Variants in EIF3L observed in about 807,000 individuals in gnomAD.
The protein encoded by EIF3L is eukaryotic translation initiation factor 3 subunit L.
Under a neutral mutation model 74.6 loss-of-function variants are expected in EIF3L, and 32 were observed. The observed-to-expected ratio is 0.43, with a 90% CI of 0.32 to 0.58. EIF3L has a LOEUF of 0.58. Ranked by LOEUF, EIF3L falls within the 20% of genes least tolerant of loss-of-function variation. The pLI is 0.06. For synonymous variants in EIF3L, 256 were observed against 254.4 expected (o/e 1.01, Z -0.06); for missense variants, 474 against 707.8 (o/e 0.67, Z 3.75).
At chr22:37,870,570 A>G (rs1179266521) in intron 8 of EIF3L, among the ~76,000 whole-genome samples, 4 of 152,132 alleles carry the variant, frequency 2.6e-5, no homozygotes, top group African/African-American at 9.7e-5. Context: ...CAGCACATTG[A>G]GATTTGCGTT....
chr22:37,859,786 C>G (rs922803906), intron 5 of EIF3L, among the ~76,000 whole-genome samples: 3 of 151,980 alleles, frequency 2.0e-5, no homozygotes, highest in African/African-American at 7.2e-5. Context: ...GGCAGGTCAC[C>G]TGAGGTCAGG....
At position 37,877,959 on chromosome 22, in the gene EIF3L, G is replaced by A; in HGVS notation, c.1363G>A (p.Ala455Thr). 1 of 1,612,568 alleles carries A rather than the reference G, an allele frequency of 6.2e-7. No individual in the cohort carries two copies. The highest frequency in any genetic ancestry group is 8.5e-7 in the Non-Finnish European group (1 of 1,179,852). The change falls in exon 11 of 13, where the codon GCC (alanine) becomes ACC (threonine). Residue 455 changes from alanine (A) to threonine (T), a missense_variant. Around this residue, in one of 4 missense-constraint regions of EIF3L, gnomAD observed 293 missense variants for 469.1 expected, o/e 0.62. Coordinates refer to ENST00000652021, the MANE Select transcript of EIF3L (RefSeq NM_016091.4). ...GTTTTCTGATGAAGTACAGCAGCAG[G>A]CCCAGCTTTCAACCATCCGCAGCTT... is the stretch of plus-strand genomic sequence containing the variant. ...KVFSDEVQQQAQLSTIRSFLK... is the reference protein window; with the variant it reads ...KVFSDEVQQQTQLSTIRSFLK...
At chr22:37,873,909 T>G (rs1402879346) in intron 8 of EIF3L, among the ~76,000 whole-genome samples, 1 of 152,240 alleles carries the variant, frequency 6.6e-6, no homozygotes, top group Non-Finnish European at 1.5e-5. Context: ...AGCAATGCAG[T>G]GACTACTGGT....
rs778804648 is a variant in EIF3L, at chr22:37,862,941, A to G, written c.436-28A>G. 4.5e-6 allele frequency: 7 copies of G among 1,548,446 alleles called. No homozygotes were observed. The South Asian group carries it at 5.7e-5, about 13-fold the overall frequency. On this transcript the variant is annotated intron_variant, in intron 5 of 12. Coordinates refer to ENST00000652021, the MANE Select transcript of EIF3L (RefSeq NM_016091.4). ...AAACACATTAAAATTAAATATCTGT[A>G]TCTTGATATCTCTTGTTTTCTTTAC... is the stretch of plus-strand genomic sequence containing the variant.
At chr22:37,868,200 C>T (rs1457234945) in intron 7 of EIF3L, among the ~76,000 whole-genome samples, 2 of 146,636 alleles carry the variant, frequency 1.4e-5, no homozygotes, top group African/African-American at 2.5e-5. Flanking sequence ...CTGCAGTCTC[C>T]ACCTCCTGTG....
At chr22:37,886,894 G>C (rs1927348735) in intron 12 of EIF3L, 49 bp downstream of exon 12, 2 of 1,444,612 alleles carry the variant, frequency 1.4e-6, no homozygotes, top group Non-Finnish European at 1.9e-6. Flanking sequence ...ACAGAGCTTA[G>C]GAACTGAATC....
In EIF3L at chr22:37,857,464, A is replaced by G. The variant is rs564493383; in HGVS notation, c.374-1215A>G. Among the ~76,000 whole-genome samples, 3 of 150,036 alleles carry G rather than the reference A, an allele frequency of 2.0e-5. No homozygotes were observed. The Admixed American group carries it at 2.0e-4, about 10-fold the overall frequency. ...ATTTAGGTCTTTGGTTGCGTTCACCAGTGTTTTGTGTTTTCAGTGTACAAG... is the reference window on the plus strand; with the variant it reads ...ATTTAGGTCTTTGGTTGCGTTCACCGGTGTTTTGTGTTTTCAGTGTACAAG... On this transcript the variant is annotated intron_variant, in intron 4 of 12. Coordinates refer to ENST00000652021, the MANE Select transcript of EIF3L (RefSeq NM_016091.4).
chr22:37,865,378 C>G (rs981213162), intron 7 of EIF3L, among the ~76,000 whole-genome samples: 1 of 151,530 alleles, frequency 6.6e-6, no homozygotes, highest in African/African-American at 2.4e-5. Flanking sequence ...GGGAATCGCT[C>G]GAACCCGAGA....
intron 8 of EIF3L, among the ~76,000 whole-genome samples, chr22:37,873,642 CT>C (rs898628510): frequency 1.3e-5 from 2 of 151,900 alleles, no homozygotes; most frequent in South Asian, 2.1e-4. Flanking sequence ...AATTTTCTTT[CT>C]TTTTTTTGTC....
chr22:37,871,238 G>A (rs894543856), intron 8 of EIF3L: 1 of 152,090 alleles, frequency 6.6e-6, no homozygotes, highest in Non-Finnish European at 1.5e-5. Context: ...TGGACTCCTG[G>A]GCTCAAGCAG....
chr22:37,874,435 A>G lies in EIF3L; in HGVS notation c.817A>G (p.Ser273Gly). 4 of 1,614,178 alleles carry G rather than the reference A, an allele frequency of 2.5e-6. No homozygotes were observed. Among genetic ancestry groups the G allele is most frequent in the Non-Finnish European group, 3.4e-6 (4 of 1,180,032 alleles). Residue 273 changes from serine (S) to glycine (G), a missense_variant, in exon 9 of 13, where the codon AGC becomes GGC. By Grantham distance (56) the Ser-to-Gly change is moderately conservative. Transcript: ENST00000652021. Reference protein sequence around the residue: ...HSLYKMLGYFSLVGLLRLHSL... With the variant: ...HSLYKMLGYFGLVGLLRLHSL... ...CCTCTACAAAATGCTTGGTTACTTC[A>G]GCCTGGTCGGGCTTCTCCGCCTGCA...
chr22:37,856,185 T>C (rs1925493676), intron 4 of EIF3L, among the ~76,000 whole-genome samples: 1 of 150,258 alleles, frequency 6.7e-6, no homozygotes, highest in Non-Finnish European at 1.5e-5. Context: ...CAAGCAATTC[T>C]CCTACCTCAG....
chr22:37,850,950 C>T (rs1925174676), intron 2 of EIF3L, among the ~76,000 whole-genome samples: 1 of 152,202 alleles, frequency 6.6e-6, no homozygotes, highest in Non-Finnish European at 1.5e-5. Flanking sequence ...CACTTACTTT[C>T]CAACAGTCTT....
chr22:37,863,447 C>A, intron 7 of EIF3L, 102 bp downstream of exon 7: 1 of 973,850 alleles, frequency 1.0e-6, no homozygotes, highest in Non-Finnish European at 1.6e-6. Context: ...AAAATATCCC[C>A]ATTGTAGTGT....
At chr22:37,864,138 C>T (rs1429109346) in intron 7 of EIF3L, among the ~76,000 whole-genome samples, 1 of 152,152 alleles carries the variant, frequency 6.6e-6, no homozygotes, top group African/African-American at 2.4e-5. Context: ...CTTACTGCAG[C>T]CTAGAACTCC....
At chr22:37,876,079 C>T in intron 10 of EIF3L, 68 bp downstream of exon 10, 1 of 1,519,990 alleles carries the variant, frequency 6.6e-7, no homozygotes, top group Non-Finnish European at 9.0e-7. Context: ...CTATGCCAAC[C>T]ATTCTTGGTA....
intron 7 of EIF3L, among the ~76,000 whole-genome samples, chr22:37,865,842 C>T (rs922617176): frequency 1.2e-4 from 19 of 152,164 alleles, no homozygotes; most frequent in African/African-American, 4.6e-4. Context: ...GAAGAAGGAT[C>T]ATCCGTGCTG....
intron 7 of EIF3L, among the ~76,000 whole-genome samples, chr22:37,867,954 CAAAA>C (rs540704187): frequency 8.2e-5 from 5 of 60,728 alleles, no homozygotes; most frequent in African/African-American, 1.9e-4. Flanking sequence ...GACTCCATCT[CAAAA>C]AAAAAAAAAA....
chr22:37,850,983 A>AGT (rs1925179440), intron 2 of EIF3L, among the ~76,000 whole-genome samples: 2 of 152,154 alleles, frequency 1.3e-5, no homozygotes, highest in African/African-American at 2.4e-5. Flanking sequence ...TCCAACGCAC[A>AGT]CTTTTCTAGG....
Sources: gnomAD v4.1 joint callset for allele counts (sites outside exome capture counted in the v4.1 genomes callset) on GRCh38, gnomAD v4.1.1 for gene constraint, gnomAD v4.1.1 regional missense constraint, MANE v1.5 for transcripts, NCBI Gene and HGNC (gene_info 2026-07-23, HGNC 2026-07-21) for gene names.